The following RYR3 variants were observed in gnomAD, a reference collection of about 807,000 sequenced individuals.
RYR3 encodes ryanodine receptor 3.
A neutral mutation model predicts 584.3 loss-of-function variants in RYR3; 207 were observed. That is an observed-to-expected ratio of 0.35 (90% CI 0.32 to 0.40). RYR3 has a LOEUF of 0.40. Among genes scored for constraint, RYR3 ranks in the 10% least tolerant of loss-of-function variants. The pLI is 1.00. For missense variants in RYR3, 5,616 were observed against 6,089.2 expected (o/e 0.92, Z 2.59); for synonymous variants, 2,416 against 2,248.5 (o/e 1.07, Z -2.11).
At chr15:33,535,669 A>T (rs529226766) in intron 5 of RYR3, among the ~76,000 whole-genome samples, 6 of 152,350 alleles carry the variant, frequency 3.9e-5, no homozygotes, top group African/African-American at 1.4e-4. Flanking sequence ...TGAGATTGGA[A>T]AGAAATTGAG....
At chr15:33,503,298 G>A (rs755446102) in intron 2 of RYR3, among the ~76,000 whole-genome samples, 1 of 152,026 alleles carries the variant, frequency 6.6e-6, no homozygotes, top group Non-Finnish European at 1.5e-5. Context: ...TCTTTCTCTG[G>A]TCTCACCCAG....
intron 29 of RYR3, among the ~76,000 whole-genome samples, 183 bp from the exon 30 acceptor site, chr15:33,647,241 C>T (rs879130795): frequency 6.6e-6 from 1 of 152,216 alleles, no homozygotes; most frequent in South Asian, 2.1e-4. Context: ...GAGTCACATC[C>T]CTGCCTTGTG....
chr15:33,682,520 C>T (rs940386095), intron 38 of RYR3, among the ~76,000 whole-genome samples: 15 of 152,028 alleles, frequency 9.9e-5, no homozygotes, highest in African/African-American at 2.9e-4. Flanking sequence ...CCCCTAATTA[C>T]GCTAATTGCA....
chr15:33,676,179 G>A (rs571954585), intron 38 of RYR3, among the ~76,000 whole-genome samples: 2 of 151,740 alleles, frequency 1.3e-5, no homozygotes, highest in East Asian at 3.9e-4. Flanking sequence ...TGAAAAGGGT[G>A]TGGCTTAAAT....
chr15:33,662,363 C>A lies in RYR3; in HGVS notation c.4833C>A (p.Ile1611=). ...LLRSGFYDLL[I]SIHLASAKER... The stretch of plus-strand genomic sequence containing the variant: ...GATCTGGTTTCTATGACCTGCTCAT[C>A]AGCATCCACCTGGCCAGCGCCAAGG... Residue 1611 remains isoleucine (I), a synonymous_variant, in exon 35 of 104, where the codon ATC becomes ATA. Transcript: ENST00000634891. 2 of 1,612,934 alleles carry A rather than the reference C, an allele frequency of 1.2e-6. No homozygotes were observed. The highest frequency in any genetic ancestry group is 1.7e-6 in the Non-Finnish European group (2 of 1,179,492).
chr15:33,526,172 C>T (rs1009353646), intron 3 of RYR3, among the ~76,000 whole-genome samples: 25 of 152,150 alleles, frequency 1.6e-4, no homozygotes, highest in Admixed American at 1.4e-3. Context: ...CCTTAGTTGC[C>T]GTATCTGGTT....
At chr15:33,488,677 C>T (rs1361418804) in intron 2 of RYR3, among the ~76,000 whole-genome samples, 1 of 151,910 alleles carries the variant, frequency 6.6e-6, no homozygotes, top group Admixed American at 6.6e-5. Context: ...ATGGTGAAAC[C>T]CCGTCTCTAC....
At chr15:33,340,297 T>C (rs1971665323) in intron 1 of RYR3, among the ~76,000 whole-genome samples, 1 of 152,230 alleles carries the variant, frequency 6.6e-6, no homozygotes, top group Admixed American at 6.5e-5. Context: ...CAGGATGTGC[T>C]CTTCTTACTG....
intron 2 of RYR3, among the ~76,000 whole-genome samples, chr15:33,491,954 C>A (rs749044992): frequency 6.6e-6 from 1 of 152,204 alleles, no homozygotes; most frequent in Non-Finnish European, 1.5e-5. Flanking sequence ...CACCACAGTT[C>A]AATGAACACT....
intron 1 of RYR3, among the ~76,000 whole-genome samples, chr15:33,349,332 T>A (rs1972897554): frequency 6.6e-6 from 1 of 151,956 alleles, no homozygotes; most frequent in African/African-American, 2.4e-5. Flanking sequence ...TAAGAGCAGG[T>A]TTAGTTTATA....
intron 38 of RYR3, among the ~76,000 whole-genome samples, chr15:33,685,085 A>G (rs909694624): frequency 1.4e-4 from 22 of 152,212 alleles, no homozygotes; most frequent in Admixed American, 6.5e-5. Flanking sequence ...GATCAAATTC[A>G]CACATGACAA....
At position 33,865,350 on chromosome 15, in the gene RYR3, ACTGCTG is replaced by A; in HGVS notation, c.*125_*130del. On this transcript the variant is annotated 3_prime_UTR_variant, in exon 104 of 104. Transcript: ENST00000634891. ...TCTAAATGCCTCCCTTAAAAAAAAA[ACTGCTG>A]AAAATCTGTGCTATTTTGAAATTGA... is the stretch of plus-strand genomic sequence containing the variant. 2.9e-6 allele frequency: 2 copies of A among 685,486 alleles called. No individual in the cohort carries two copies. The highest frequency in any genetic ancestry group is 4.9e-6 in the Non-Finnish European group (2 of 410,354). 42.5% of individuals were successfully genotyped at this position (685,486 alleles called of 1,614,324 possible).
intron 1 of RYR3, among the ~76,000 whole-genome samples, chr15:33,347,001 A>G (rs1390509578): frequency 6.6e-6 from 1 of 152,168 alleles, no homozygotes; most frequent in East Asian, 1.9e-4. Flanking sequence ...TGTTTTTCTC[A>G]TGATTAGGCT....
chr15:33,854,838 C>A lies in RYR3; in HGVS notation c.13933C>A (p.His4645Asn), dbSNP rs186071367. ...GHYNNFFFAA[H>N]LLDIAMGFKT... ...CTACAATAACTTCTTCTTTGCTGCTCACCTATTGGACATCGCAATGGGCTT... is the reference window on the plus strand; with the variant it reads ...CTACAATAACTTCTTCTTTGCTGCTAACCTATTGGACATCGCAATGGGCTT... Residue 4645 changes from histidine to asparagine, a missense_variant, in exon 98 of 104, where the codon CAC becomes AAC. Physicochemically the swap from His to Asn is moderately conservative, Grantham distance 68. Around this residue, in one of 9 missense-constraint regions of RYR3, gnomAD observed 918 missense variants for 887.4 expected, o/e 1.03. Transcript: ENST00000634891. 18 of 1,613,880 alleles carry A rather than the reference C, an allele frequency of 1.1e-5. No individual in the cohort carries two copies. Among genetic ancestry groups the A allele is most frequent in the Non-Finnish European group, 1.4e-5 (17 of 1,179,854 alleles).
intron 13 of RYR3, among the ~76,000 whole-genome samples, chr15:33,581,092 T>G (rs2058567308): frequency 6.6e-6 from 1 of 152,122 alleles, no homozygotes; most frequent in South Asian, 2.1e-4. Context: ...TTTGTGCATC[T>G]GAATGGAACT....
chr15:33,660,434 G>T lies in RYR3; in HGVS notation c.4622+11G>T. ...CCCCGAGGAGAACAGGTACCAGAGG[G>T]GCCCGCGAAGGAAGGGGCAGGCCTG... On this transcript the variant is annotated intron_variant, in intron 34 of 103. Coordinates refer to ENST00000634891, the MANE Select transcript of RYR3 (RefSeq NM_001036.6). 1 of 1,529,754 alleles carries T rather than the reference G, an allele frequency of 6.5e-7. No individual in the cohort carries two copies. Among genetic ancestry groups the T allele is most frequent in the South Asian group, 1.2e-5 (1 of 81,212 alleles). The allele number at this position is 1,529,754 out of a possible 1,614,324, so 94.8% of individuals were successfully genotyped here. A position where few individuals can be genotyped will look rare whatever the true frequency, so the allele number is the denominator to read the frequency against.
rs147477695 is a variant in RYR3, at chr15:33,717,350, C to T, written c.6620-5365C>T. On this transcript the variant is annotated intron_variant, in intron 43 of 103. Coordinates refer to ENST00000634891, the MANE Select transcript of RYR3 (RefSeq NM_001036.6). ...GAGTATGTAATTACCACCCAAAACCCGTTCTTCCCCGAGGATTCTCCATCT... is the reference window on the plus strand; with the variant it reads ...GAGTATGTAATTACCACCCAAAACCTGTTCTTCCCCGAGGATTCTCCATCT... 1.6e-4 allele frequency among the ~76,000 whole-genome samples: 25 copies of T among 152,304 alleles called. No individual in the cohort carries two copies. The East Asian group carries it at 4.4e-3, about 27-fold the overall frequency.
chr15:33,342,283 T>C (rs1971913789), intron 1 of RYR3, among the ~76,000 whole-genome samples: 1 of 152,218 alleles, frequency 6.6e-6, no homozygotes, highest in Non-Finnish European at 1.5e-5. Flanking sequence ...ATTTGTTGCA[T>C]TGCCTTAGTG....
In RYR3 at chr15:33,865,205, A is replaced by G. The variant is rs774148017; in HGVS notation, c.14592A>G (p.Gln4864=). The G allele has an allele frequency of 1.4e-5, 22 of 1,613,364 alleles. No individual in the cohort carries two copies. Among genetic ancestry groups the G allele is most frequent in the Middle Eastern group, 1.6e-4 (1 of 6,082 alleles). The part of the protein sequence containing the change: ...FFPAGDCFRK[Q]YEDQLG ...CAGCCGGTGACTGCTTTCGTAAACA[A>G]TATGAAGATCAGCTTGGATAAATCT... The change falls in exon 104 of 104, where the codon CAA becomes CAG. Residue 4864 remains glutamine (Q), a synonymous_variant. Transcript: ENST00000634891.
Sources: gnomAD v4.1 joint callset for allele counts (sites outside exome capture counted in the v4.1 genomes callset) on GRCh38, gnomAD v4.1.1 for gene constraint, gnomAD v4.1.1 regional missense constraint, MANE v1.5 for transcripts, NCBI Gene and HGNC (gene_info 2026-07-23, HGNC 2026-07-21) for gene names.